Variants in SLC4A5 observed in about 807,000 individuals in gnomAD.
The protein encoded by SLC4A5 is electrogenic sodium bicarbonate cotransporter 4.
In SLC4A5, 96 loss-of-function variants were observed where a neutral mutation model predicts 120.4. The observed-to-expected ratio is 0.80, with a 90% confidence interval of 0.68 to 0.94. SLC4A5 has a LOEUF of 0.94. SLC4A5 is among the 40% of genes least tolerant of loss of function. The probability of loss-of-function intolerance (pLI) is 0.00; values close to 1 mark genes in which losing one functional copy is unlikely to be tolerated. For synonymous variants in SLC4A5, 550 were observed against 571.1 expected (o/e 0.96, Z 0.53); for missense variants, 1,259 against 1,459.5 (o/e 0.86, Z 2.24).
intron 4 of SLC4A5, among the ~76,000 whole-genome samples, chr2:74,333,026 C>T (rs1236562060): frequency 6.6e-6 from 1 of 152,136 alleles, no homozygotes; most frequent in African/African-American, 2.4e-5. Flanking sequence ...ACAGCTGAGG[C>T]TCATGCACTG....
chr2:74,252,851 G>C, intron 15 of SLC4A5, 123 bp downstream of exon 15: 1 of 1,175,458 alleles, frequency 8.5e-7, no homozygotes, highest in Non-Finnish European at 1.2e-6. Flanking sequence ...GCATCCCAAA[G>C]TGTTGAGATT....
At chr2:74,336,355 C>T (rs1161515989) in intron 3 of SLC4A5, among the ~76,000 whole-genome samples, 1 of 152,150 alleles carries the variant, frequency 6.6e-6, no homozygotes, top group Non-Finnish European at 1.5e-5. Context: ...AGGAGTAAGC[C>T]ACCACGCCTG....
chr2:74,306,607 C>T (rs1470719474), intron 6 of SLC4A5: 2 of 378,132 alleles, frequency 5.3e-6, no homozygotes, highest in Non-Finnish European at 9.9e-6. Context: ...TAGCAATATA[C>T]ATTTAAGCTT....
chr2:74,227,554 C>T, intron 26 of SLC4A5: 4 of 1,611,616 alleles, frequency 2.5e-6, no homozygotes, highest in Non-Finnish European at 3.4e-6. Flanking sequence ...TTCTGACCCT[C>T]CGGTCCCCAT....
Position 74,336,414 on chromosome 2 carries a change from A to G in SLC4A5, c.-220-2237T>C, listed in dbSNP as rs553163586. ...TGAAAGACAGGTTGGGGAAGTGATT[A>G]AGAGCAGGAGATCACATGACTTTGG... On this transcript the variant is annotated intron_variant, in intron 3 of 30. Transcript: ENST00000394019. Among the ~76,000 whole-genome samples, 26 of 152,270 alleles carry G rather than the reference A, an allele frequency of 1.7e-4. No individual in the cohort carries two copies. In the South Asian group the frequency reaches 5.4e-3, roughly 32 times the overall value.
intron 7 of SLC4A5, among the ~76,000 whole-genome samples, chr2:74,304,198 T>A (rs950609645): frequency 3.9e-5 from 6 of 152,108 alleles, no homozygotes; most frequent in African/African-American, 1.4e-4. Flanking sequence ...TCCTTGGAAT[T>A]TGGAAATGAG....
intron 24 of SLC4A5, among the ~76,000 whole-genome samples, chr2:74,232,013 C>T (rs1670105501): frequency 6.6e-6 from 1 of 152,158 alleles, no homozygotes; most frequent in Non-Finnish European, 1.5e-5. Context: ...AGTGAAGGAA[C>T]AGGAGTAACA....
chr2:74,263,958 C>T (rs944473995), intron 10 of SLC4A5, among the ~76,000 whole-genome samples, 189 bp downstream of exon 10: 1 of 152,262 alleles, frequency 6.6e-6, no homozygotes, highest in African/African-American at 2.4e-5. Flanking sequence ...TTGTTCTGCT[C>T]TGGTGGTGGG....
At chr2:74,241,756 A>AAC (rs2103952404) in intron 20 of SLC4A5, among the ~76,000 whole-genome samples, 1 of 151,466 alleles carries the variant, frequency 6.6e-6, no homozygotes, top group Non-Finnish European at 1.5e-5. Flanking sequence ...AAAAAAAAAA[A>AAC]ACGCACAAAA....
At chr2:74,226,990 T>G in exon 27 of SLC4A5, 2 of 1,613,828 alleles carry the variant, frequency 1.2e-6, no homozygotes, top group Non-Finnish European at 1.7e-6. Flanking sequence ...CCACCGTGGA[T>G]TTGAGGATCC....
chr2:74,217,208 C>T (rs1298728999), exon 31 of SLC4A5: 2 of 152,182 alleles, frequency 1.3e-5, no homozygotes, highest in African/African-American at 4.8e-5. Context: ...ACTCTAACCT[C>T]AAGGTTCAAG....
chr2:74,341,199 G>A (rs1301445742), intron 2 of SLC4A5, among the ~76,000 whole-genome samples: 1 of 151,808 alleles, frequency 6.6e-6, no homozygotes, highest in African/African-American at 2.4e-5. Context: ...CAGCTACTCA[G>A]GAGGCTGAGG....
exon 9 of SLC4A5, chr2:74,265,111 C>T (rs1671261863): frequency 6.2e-7 from 1 of 1,613,402 alleles, no homozygotes; most frequent in African/African-American, 1.3e-5. Flanking sequence ...CACCTATGAT[C>T]TGTGGTAAGG....
At chr2:74,233,864 C>T (rs1410797171) in intron 22 of SLC4A5, among the ~76,000 whole-genome samples, 1 of 152,142 alleles carries the variant, frequency 6.6e-6, no homozygotes, top group East Asian at 1.9e-4. Flanking sequence ...GCACAGTCAC[C>T]TGCTGCAAAT....
chr2:74,315,034 TA>T lies in SLC4A5; in HGVS notation c.-2-10del. On this transcript the variant is annotated splice_polypyrimidine_tract_variant and intron_variant, in intron 5 of 30. Coordinates refer to ENST00000394019, the Ensembl canonical transcript of SLC4A5. ...CTCCTTCACCTTCATGACTATAAAG[TA>T]AAAGGAACACAGCCTCAAAATGTAT... The T allele has an allele frequency of 6.2e-7, 1 of 1,609,778 alleles. No individual in the cohort carries two copies. The highest frequency in any genetic ancestry group is 8.5e-7 in the Non-Finnish European group (1 of 1,176,172).
At chr2:74,328,075 C>T (rs769083347) in intron 5 of SLC4A5, 45 bp downstream of exon 5, 72 of 956,840 alleles carry the variant, frequency 7.5e-5, no homozygotes, top group Non-Finnish European at 8.6e-5. Context: ...CCCTTATCTG[C>T]ATAGCTCTGT....
exon 31 of SLC4A5, chr2:74,218,215 T>C (rs573956861): frequency 6.6e-6 from 1 of 152,362 alleles, no homozygotes; most frequent in East Asian, 1.9e-4. Context: ...AAAGATGGTC[T>C]AGTGACATAA....
At chr2:74,264,398 C>T in intron 9 of SLC4A5, 99 bp from the exon 10 acceptor site, 1 of 1,389,848 alleles carries the variant, frequency 7.2e-7, no homozygotes, top group Non-Finnish European at 9.7e-7. Context: ...TTAAATGTGG[C>T]AGAGGGGGTG....
intron 7 of SLC4A5, among the ~76,000 whole-genome samples, chr2:74,300,240 A>C (rs767095511): frequency 3.4e-4 from 51 of 152,222 alleles, no homozygotes; most frequent in Non-Finnish European, 6.3e-4. Flanking sequence ...GTCAAAGATA[A>C]AAATATTCCA....
Sources: gnomAD v4.1 joint callset for allele counts (sites outside exome capture counted in the v4.1 genomes callset) on GRCh38, gnomAD v4.1.1 for gene constraint, MANE v1.5 for transcripts, NCBI Gene and HGNC (gene_info 2026-07-23, HGNC 2026-07-21) for gene names.